The following ERC2 variants were observed in gnomAD, a reference collection of about 807,000 sequenced individuals.
The protein encoded by ERC2 is ELKS/RAB6-interacting/CAST family member 2.
ERC2 carries 42 observed loss-of-function variants against 114.8 expected under a neutral mutation model. The ratio of observed to expected loss-of-function variants is 0.37; its 90% CI spans 0.29 to 0.47. The LOEUF (loss-of-function observed/expected upper bound fraction) is 0.47. ERC2 is among the 20% of genes least tolerant of loss of function. The pLI, the probability that ERC2 is intolerant of heterozygous loss-of-function variation, is 0.99. For synonymous variants in ERC2, 454 were observed against 425.5 expected (o/e 1.07, Z -0.82); for missense variants, 939 against 1,150.7 (o/e 0.82, Z 2.66).
chr3:55,679,456 G>A (rs755155355), intron 17 of ERC2, among the ~76,000 whole-genome samples: 13 of 152,128 alleles, frequency 8.5e-5, no homozygotes, highest in Admixed American at 5.2e-4. Context: ...TGACCAAAAC[G>A]TGCAAGGTTT....
chr3:55,808,179 A>G (rs2059563101), intron 14 of ERC2, among the ~76,000 whole-genome samples: 2 of 152,198 alleles, frequency 1.3e-5, no homozygotes, highest in South Asian at 2.1e-4. Flanking sequence ...GAGATGAAAG[A>G]GCAGACAAAC....
At position 55,973,556 on chromosome 3, in the gene ERC2, C is replaced by T. The variant is rs148404786; in HGVS notation, c.2267+12421G>A. The stretch of plus-strand genomic sequence containing the variant: ...CCATGTGTGCCTGTTCCCACATGCC[C>T]CTTGCTCTTGAGATTATCTAGGTTC... On this transcript the variant is annotated intron_variant, in intron 12 of 17. Coordinates refer to ENST00000288221, the MANE Select transcript of ERC2 (RefSeq NM_015576.3). Among the ~76,000 whole-genome samples the T allele has an allele frequency of 6.8e-3, 1,029 of 152,236 alleles. 10 individuals carry two copies. Among genetic ancestry groups the T allele is most frequent in the African/African-American group, 0.023 (941 of 41,550 alleles).
chr3:56,131,558 A>T (rs2080200882), intron 6 of ERC2, among the ~76,000 whole-genome samples: 1 of 152,218 alleles, frequency 6.6e-6, no homozygotes, highest in Non-Finnish European at 1.5e-5. Flanking sequence ...CAGAAAGGAC[A>T]TTTAAATATT....
chr3:55,707,035 TA>T (rs1467394443), intron 15 of ERC2, among the ~76,000 whole-genome samples: 2 of 152,328 alleles, frequency 1.3e-5, no homozygotes, highest in Non-Finnish European at 2.9e-5. Flanking sequence ...CCAAACACCA[TA>T]GATAGACAGA....
chr3:56,353,010 G>A (rs1044938106), intron 2 of ERC2, among the ~76,000 whole-genome samples: 3 of 152,280 alleles, frequency 2.0e-5, no homozygotes, highest in South Asian at 4.1e-4. Context: ...CTACTGGTTA[G>A]AAGCAAGTCA....
At chr3:55,960,952 T>A (rs1057158897) in intron 12 of ERC2, among the ~76,000 whole-genome samples, 1 of 152,204 alleles carries the variant, frequency 6.6e-6, no homozygotes, top group African/African-American at 2.4e-5. Context: ...CTGGCCAACA[T>A]GGCAAAACCC....
chr3:55,831,814 C>T (rs1018449855), intron 14 of ERC2, among the ~76,000 whole-genome samples: 1 of 152,158 alleles, frequency 6.6e-6, no homozygotes, highest in Non-Finnish European at 1.5e-5. Context: ...TTGCCTCACT[C>T]GGGAAGTGCA....
intron 17 of ERC2, among the ~76,000 whole-genome samples, chr3:55,671,515 C>T (rs1031338611): frequency 1.3e-5 from 2 of 152,134 alleles, no homozygotes; most frequent in African/African-American, 4.8e-5. Context: ...CTCTCCTTTG[C>T]CGACATCCTT....
intron 13 of ERC2, among the ~76,000 whole-genome samples, chr3:55,908,466 G>C (rs2064598456): frequency 6.6e-6 from 1 of 152,094 alleles, no homozygotes; most frequent in South Asian, 2.1e-4. Flanking sequence ...TCTGCTCCAG[G>C]GGACTGAGAG....
intron 7 of ERC2, among the ~76,000 whole-genome samples, chr3:56,019,240 G>A (rs2073534580): frequency 6.6e-6 from 1 of 152,124 alleles, no homozygotes; most frequent in South Asian, 2.1e-4. Flanking sequence ...ATACAGAGGA[G>A]CAGAGTATCT....
chr3:56,367,305 A>G (rs1336972309), intron 2 of ERC2, among the ~76,000 whole-genome samples: 6 of 151,324 alleles, frequency 4.0e-5, no homozygotes, highest in Non-Finnish European at 8.8e-5. Context: ...TCCAAACAGC[A>G]TTCTGATTCA....
chr3:56,141,803 C>T (rs2080871794), intron 5 of ERC2, among the ~76,000 whole-genome samples: 1 of 152,124 alleles, frequency 6.6e-6, no homozygotes, highest in South Asian at 2.1e-4. Context: ...TCCACTCGAT[C>T]ATTACATATT....
chr3:55,656,572 C>A (rs1420867315), intron 17 of ERC2, among the ~76,000 whole-genome samples: 1 of 152,196 alleles, frequency 6.6e-6, no homozygotes, highest in African/African-American at 2.4e-5. Context: ...AAAAGGCAGC[C>A]TCCAGAGTAG....
At chr3:55,596,169 G>C (rs2058116780) in intron 17 of ERC2, among the ~76,000 whole-genome samples, 1 of 152,150 alleles carries the variant, frequency 6.6e-6, no homozygotes, top group African/African-American at 2.4e-5. Context: ...CATTAAAGGA[G>C]AGGAGGGGAA....
At chr3:56,204,075 A>G (rs908806763) in intron 3 of ERC2, among the ~76,000 whole-genome samples, 1 of 152,232 alleles carries the variant, frequency 6.6e-6, no homozygotes, top group African/African-American at 2.4e-5. Flanking sequence ...CTGTAATCCC[A>G]GCTACTCAGG....
Position 56,434,950 on chromosome 3 carries a change from G to C in ERC2, c.58C>G (p.Arg20Gly). 1 of 1,613,552 alleles carries C rather than the reference G, an allele frequency of 6.2e-7. No homozygotes were observed. The highest frequency in any genetic ancestry group is 8.5e-7 in the Non-Finnish European group (1 of 1,179,838). ...NLEGSPSRSP[R>G]LPRSPRLGHR... ...CCCAAACGAGGAGACCTTGGCAAAC[G>C]AGGGGATCTGGAAGGGCTACCTTCC... Residue 20 changes from arginine to glycine, a missense_variant, in exon 2 of 18, where the codon CGT becomes GGT. By Grantham distance (125) the Arg-to-Gly change is moderately radical. Coordinates refer to ENST00000288221, the MANE Select transcript of ERC2 (RefSeq NM_015576.3).
intron 13 of ERC2, among the ~76,000 whole-genome samples, chr3:55,893,028 A>T (rs565821312): frequency 1.3e-5 from 2 of 152,106 alleles, no homozygotes; most frequent in South Asian, 4.2e-4. Context: ...AAGAAGCCCA[A>T]TGGAGTCTGT....
intron 16 of ERC2, among the ~76,000 whole-genome samples, chr3:55,684,488 G>A (rs914329815): frequency 6.6e-6 from 1 of 152,190 alleles, no homozygotes; most frequent in Non-Finnish European, 1.5e-5. Flanking sequence ...GCGATGGTAT[G>A]ATTATACAGT....
chr3:55,962,970 C>A (rs565083295), intron 12 of ERC2, among the ~76,000 whole-genome samples: 14 of 152,344 alleles, frequency 9.2e-5, no homozygotes, highest in African/African-American at 3.4e-4. Flanking sequence ...CCAAACTTCA[C>A]AGGACGCCCC....
Sources: allele counts gnomAD v4.1 joint callset (sites outside exome capture counted in the v4.1 genomes callset), GRCh38; gene constraint gnomAD v4.1.1; transcripts MANE v1.5; gene names NCBI Gene and HGNC (gene_info 2026-07-23, HGNC 2026-07-21).